SYT1: variants seen among roughly 807,000 people sequenced by gnomAD.
SYT1 encodes synaptotagmin-1.
SYT1 carries 8 observed loss-of-function variants against 44.8 expected under a neutral mutation model. The observed-to-expected ratio is 0.18, with a 90% CI of 0.10 to 0.32. The LOEUF is 0.32. Ranked by LOEUF, SYT1 falls within the 10% of genes least tolerant of loss-of-function variation. SYT1 has a pLI of 1.00. For synonymous variants in SYT1, 154 were observed against 188.8 expected, an observed-to-expected ratio of 0.82 and a Z score of 1.51; for missense variants, 286 against 509.3, an observed-to-expected ratio of 0.56 and a Z score of 4.22.
At chr12:78,957,315 G>T (rs1233856602) in intron 1 of SYT1, among the ~76,000 whole-genome samples, 3 of 152,088 alleles carry the variant, frequency 2.0e-5, no homozygotes, top group Admixed American at 2.0e-4. Flanking sequence ...TTTAAATAAA[G>T]AAGAAGAATA....
chr12:79,296,269 T>C (rs1280190091), intron 7 of SYT1, 33 bp downstream of exon 7: 1 of 1,592,368 alleles, frequency 6.3e-7, no homozygotes, highest in Non-Finnish European at 8.6e-7. Flanking sequence ...AACCTTTCCT[T>C]TGTTGTTTTA....
chr12:79,085,830 G>T (rs896356787), intron 3 of SYT1, among the ~76,000 whole-genome samples: 3 of 151,992 alleles, frequency 2.0e-5, no homozygotes, highest in Non-Finnish European at 4.4e-5. Context: ...GCCTGAGATG[G>T]GACTTTGAGT....
chr12:79,312,748 G>C (rs1880871545), intron 8 of SYT1, among the ~76,000 whole-genome samples: 2 of 138,508 alleles, frequency 1.4e-5, no homozygotes, highest in South Asian at 4.6e-4. Context: ...TTCTTTTATT[G>C]TGTAATTCAC....
rs186169835 is a variant in SYT1 at position 79,208,222 on chromosome 12, A to G, written c.-17-9281A>G. 9.8e-4 allele frequency among the ~76,000 whole-genome samples: 149 copies of G among 152,256 alleles called. No individual in the cohort carries two copies. In the Middle Eastern group the frequency reaches 0.014, roughly 14 times the overall value. On this transcript the variant is annotated intron_variant, in intron 3 of 10. Transcript: ENST00000261205. Reference sequence around the variant, plus strand: ...TAACTATGAGTTGTAATTTACCACTATTGGTTTCAGGAGATGACATTGTGG... The same window carrying G: ...TAACTATGAGTTGTAATTTACCACTGTTGGTTTCAGGAGATGACATTGTGG...
At chr12:79,286,910 T>A (rs1879341315) in intron 5 of SYT1, among the ~76,000 whole-genome samples, 1 of 152,172 alleles carries the variant, frequency 6.6e-6, no homozygotes, top group Admixed American at 6.5e-5. Flanking sequence ...AAAAGTTTTA[T>A]TTATTCCCAA....
chr12:79,264,811 T>A (rs7358556), intron 4 of SYT1, among the ~76,000 whole-genome samples: 27,502 of 152,146 alleles, frequency 0.18, 5,696 homozygotes, highest in African/African-American at 0.5. Flanking sequence ...CACTGTGACT[T>A]CAAAGAACTA....
chr12:79,156,684 G>A (rs1322222425), intron 3 of SYT1, among the ~76,000 whole-genome samples: 5 of 152,076 alleles, frequency 3.3e-5, no homozygotes, highest in Non-Finnish European at 7.4e-5. Context: ...AGCCAGGATG[G>A]TCTTGATCTC....
At chr12:79,068,584 C>T (rs1876038262) in intron 3 of SYT1, among the ~76,000 whole-genome samples, 2 of 152,080 alleles carry the variant, frequency 1.3e-5, no homozygotes, top group African/African-American at 2.4e-5. Flanking sequence ...TATCACCCAA[C>T]AAATAAAAGT....
chr12:79,374,703 C>T lies in SYT1; in HGVS notation c.928+21084C>T, dbSNP rs561731409. 2.6e-5 allele frequency among the ~76,000 whole-genome samples: 4 copies of T among 152,162 alleles called. No individual in the cohort carries two copies. The South Asian group carries it at 8.3e-4, about 32-fold the overall frequency. The stretch of plus-strand genomic sequence containing the variant: ...TGCTCACAAGGATTTGAAGAACTAC[C>T]CTGTGGACAAAAGTATGGAATCACA... On this transcript the variant is annotated intron_variant, in intron 9 of 10. Transcript: ENST00000261205.
chr12:78,935,732 A>G (rs1302885285), intron 1 of SYT1, among the ~76,000 whole-genome samples: 1 of 152,170 alleles, frequency 6.6e-6, no homozygotes, highest in African/African-American at 2.4e-5. Flanking sequence ...AGGCTCTTAG[A>G]TAGCAGTTAA....
At chr12:79,335,628 C>G (rs1193286302) in intron 8 of SYT1, among the ~76,000 whole-genome samples, 1 of 152,084 alleles carries the variant, frequency 6.6e-6, no homozygotes, top group Non-Finnish European at 1.5e-5. Context: ...TCCATTCAAT[C>G]AACAATAGTT....
At chr12:79,031,771 A>G (rs115977638) in intron 2 of SYT1, among the ~76,000 whole-genome samples, 1,694 of 151,194 alleles carry the variant, frequency 0.011, 30 homozygotes, top group African/African-American at 0.039. Flanking sequence ...AATAAGATAT[A>G]ATAATATTCT....
intron 3 of SYT1, among the ~76,000 whole-genome samples, chr12:79,150,897 TGA>T (rs1870229800): frequency 1.3e-5 from 2 of 152,204 alleles, no homozygotes; most frequent in Admixed American, 1.3e-4. Context: ...TTGTTTTTTA[TGA>T]GAGTTTAAAT....
At chr12:79,174,531 T>C (rs1871739853) in intron 3 of SYT1, among the ~76,000 whole-genome samples, 1 of 152,034 alleles carries the variant, frequency 6.6e-6, no homozygotes, top group Non-Finnish European at 1.5e-5. Flanking sequence ...AGCTAGTCAG[T>C]AACATATGAT....
rs117784486 is a variant in SYT1, at chr12:79,366,535, A to G, written c.928+12916A>G. 3.9e-3 allele frequency among the ~76,000 whole-genome samples: 590 copies of G among 152,322 alleles called. 4 individuals carry two copies. Among genetic ancestry groups the G allele is most frequent in the Non-Finnish European group, 6.2e-3 (419 of 68,028 alleles). On this transcript the variant is annotated intron_variant, in intron 9 of 10. Coordinates refer to ENST00000261205, the MANE Select transcript of SYT1 (RefSeq NM_005639.3). ...TAAATACCTATCTGAAAATGCCAGCATTTGTCCCTGCCTCCTTGGCCTCCA... is the reference window on the plus strand; with the variant it reads ...TAAATACCTATCTGAAAATGCCAGCGTTTGTCCCTGCCTCCTTGGCCTCCA...
chr12:79,175,852 G>A (rs1289110401), intron 3 of SYT1, among the ~76,000 whole-genome samples: 3 of 152,010 alleles, frequency 2.0e-5, no homozygotes, highest in Admixed American at 6.6e-5. Context: ...CTAAGACCTG[G>A]GGGTTGGGGG....
chr12:79,296,296 C>T, intron 7 of SYT1, 60 bp downstream of exon 7: 1 of 1,502,876 alleles, frequency 6.7e-7, no homozygotes, highest in East Asian at 2.3e-5. Flanking sequence ...AGACTGATCT[C>T]ATCCTGACAC....
chr12:79,213,869 C>T (rs1874618289), intron 3 of SYT1, among the ~76,000 whole-genome samples: 1 of 152,086 alleles, frequency 6.6e-6, no homozygotes, highest in Admixed American at 6.6e-5. Context: ...TTGCAGTGAG[C>T]AGAAATTGCA....
At chr12:79,326,256 G>A (rs74107504) in intron 8 of SYT1, among the ~76,000 whole-genome samples, 7,641 of 152,244 alleles carry the variant, frequency 0.05, 418 homozygotes, top group African/African-American at 0.13. Flanking sequence ...CCTGTGACAA[G>A]CTATAGTTAA....
Sources: gnomAD v4.1 joint callset for allele counts (sites outside exome capture counted in the v4.1 genomes callset) on GRCh38, gnomAD v4.1.1 for gene constraint, MANE v1.5 for transcripts, NCBI Gene and HGNC (gene_info 2026-07-23, HGNC 2026-07-21) for gene names.